The following TP73 variants were observed in gnomAD, a reference collection of about 807,000 sequenced individuals.
TP73 encodes tumor protein p73.
In TP73, 25 loss-of-function variants were observed where a neutral mutation model predicts 62.5. The observed-to-expected ratio is 0.40, with a 90% CI of 0.29 to 0.56. The LOEUF (loss-of-function observed/expected upper bound fraction) is 0.56. Among genes scored for constraint, TP73 ranks in the 20% least tolerant of loss-of-function variants. TP73 has a pLI of 0.46. For missense variants in TP73, 754 were observed against 913.3 expected (o/e 0.83, Z 2.25); for synonymous variants, 423 against 377.5 (o/e 1.12, Z -1.40).
In TP73 at chr1:3,729,444, A is replaced by C. The variant is rs765497694; in HGVS notation, c.1192A>C (p.Arg398=). The part of the protein sequence containing the change: ...SYRQQQQLLQ[R]PSHLQPPSYG... The stretch of plus-strand genomic sequence containing the variant: ...TCGGCAGCAGCAGCAGCTCCTACAG[A>C]GGCCGTGAGTCAGCCCTAGCCCACC... The change falls in exon 10 of 14, where the codon AGG becomes CGG. Residue 398 remains arginine, a synonymous_variant. Coordinates refer to ENST00000378295, the MANE Select transcript of TP73 (RefSeq NM_005427.4). 7 of 1,612,714 alleles carry C rather than the reference A, an allele frequency of 4.3e-6. No individual in the cohort carries two copies. Among genetic ancestry groups the C allele is most frequent in the Non-Finnish European group, 5.1e-6 (6 of 1,179,962 alleles).
chr1:3,695,819 G>A (rs534035184), intron 3 of TP73, among the ~76,000 whole-genome samples: 91 of 152,392 alleles, frequency 6.0e-4, no homozygotes, highest in Middle Eastern at 6.8e-3. Context: ...GCCAAGGCCA[G>A]GAGCCGCCTG....
chr1:3,685,862 C>G (rs1468831111), intron 3 of TP73, among the ~76,000 whole-genome samples: 1 of 152,224 alleles, frequency 6.6e-6, no homozygotes, highest in African/African-American at 2.4e-5. Context: ...TGAGTGCCCC[C>G]TGGAAAACTG....
chr1:3,715,484 G>T (rs1640516772), intron 4 of TP73, among the ~76,000 whole-genome samples: 1 of 152,192 alleles, frequency 6.6e-6, no homozygotes, highest in Admixed American at 6.5e-5. Flanking sequence ...CTATGGTCTG[G>T]GTGCTGGTCC....
rs1236402200 is a variant in TP73, at chr1:3,662,145, C to A, written c.-34+9504C>A. ...CTGGAGCAGCCCCTGAAGGTGGAGA[C>A]CAGGCACCTGCTGGAGCAGGAACTC... On this transcript the variant is annotated intron_variant, in intron 1 of 13. Coordinates refer to ENST00000378295, the MANE Select transcript of TP73 (RefSeq NM_005427.4). The surrounding 1 kb of genome is among the most constrained non-coding windows in gnomAD (Gnocchi z 4.4). 6.6e-6 allele frequency: 1 copy of A among 152,140 alleles called. No homozygotes were observed. The highest frequency in any genetic ancestry group is 2.4e-5 in the African/African-American group (1 of 41,408). The allele number at this position is 152,140 out of a possible 1,614,324, so 9.4% of individuals were successfully genotyped here.
chr1:3,664,895 C>T (rs1645077029), intron 1 of TP73, among the ~76,000 whole-genome samples: 1 of 152,176 alleles, frequency 6.6e-6, no homozygotes. Flanking sequence ...AGATAAGGTG[C>T]ACGATTCAGT....
In TP73 at chr1:3,722,065, A is replaced by G. The variant is rs1241476424; in HGVS notation, c.474A>G (p.Thr158=). ...AACTCTACTGCCAGATCGCCAAGAC[A>G]TGCCCCATCCAGATCAAGGTGTCCA... ...LKKLYCQIAK[T]CPIQIKVSTP... is the part of the protein sequence containing the mutation. The change falls in exon 5 of 14, where the codon ACA becomes ACG. Residue 158 remains threonine (T), a synonymous_variant. Transcript: ENST00000378295. 1.2e-6 allele frequency: 2 copies of G among 1,612,524 alleles called. No homozygotes were observed. The highest frequency in any genetic ancestry group is 2.2e-5 in the East Asian group (1 of 44,848).
intron 3 of TP73, 45 bp from the exon 4 acceptor site, chr1:3,707,500 CGACT>C (rs1557545059): frequency 1.9e-6 from 3 of 1,577,340 alleles, no homozygotes; most frequent in Non-Finnish European, 2.6e-6. Flanking sequence ...CGGGACAGGA[CGACT>C]GACTGTGTGT....
In TP73 at chr1:3,662,820, C is replaced by T. The variant is rs1048333189; in HGVS notation, c.-34+10179C>T. ...ATGGAATCAGCTCCCCACCAGGCCC[C>T]AGGACAGACCTGGCTGGGGAGCGCA... On this transcript the variant is annotated intron_variant, in intron 1 of 13. Coordinates refer to ENST00000378295, the MANE Select transcript of TP73 (RefSeq NM_005427.4). This position sits in a 1 kb window ranked among gnomAD's most constrained non-coding sequence, Gnocchi z 4.4. Among the ~76,000 whole-genome samples the T allele has an allele frequency of 6.6e-6, 1 of 152,190 alleles. No homozygotes were observed. Among genetic ancestry groups the T allele is most frequent in the African/African-American group, 2.4e-5 (1 of 41,458 alleles).
chr1:3,706,070 C>A (rs1332495781), intron 3 of TP73, among the ~76,000 whole-genome samples: 3 of 152,032 alleles, frequency 2.0e-5, no homozygotes, highest in Admixed American at 2.0e-4. Flanking sequence ...TCACAGCACA[C>A]CACAGCTTCT....
intron 4 of TP73, 170 bp downstream of exon 4, chr1:3,707,961 G>A (rs964129685): frequency 8.7e-7 from 1 of 1,149,256 alleles, no homozygotes; most frequent in African/African-American, 1.5e-5. Flanking sequence ...CTCAGGGCCG[G>A]GCAGTCTGGG....
intron 3 of TP73, among the ~76,000 whole-genome samples, chr1:3,686,564 T>G (rs1024297836): frequency 6.6e-6 from 1 of 152,076 alleles, no homozygotes; most frequent in Non-Finnish European, 1.5e-5. Flanking sequence ...GAGGCTGAGT[T>G]TAGGCAGTTC....
intron 5 of TP73, among the ~76,000 whole-genome samples, chr1:3,722,969 G>A (rs1463084237): frequency 2.7e-5 from 4 of 148,430 alleles, no homozygotes; most frequent in Admixed American, 2.7e-4. Flanking sequence ...CCTGGCACAG[G>A]GCTGGGCACC....
intron 1 of TP73, among the ~76,000 whole-genome samples, chr1:3,678,922 C>A (rs1324555344): frequency 1.3e-5 from 2 of 152,232 alleles, no homozygotes. Flanking sequence ...GTTTGGGGAC[C>A]CAACTCCTGG....
chr1:3,693,943 G>C (rs374360866), intron 3 of TP73, among the ~76,000 whole-genome samples: 3 of 7,528 alleles, frequency 4.0e-4, no homozygotes, highest in Non-Finnish European at 8.1e-4. Context: ...CGCAATCCCA[G>C]CCATGCAGCC....
chr1:3,729,789 C>A, intron 10 of TP73: 2 of 803,620 alleles, frequency 2.5e-6, no homozygotes, highest in Non-Finnish European at 3.9e-6. Flanking sequence ...CCCTGCCTCC[C>A]GGCCCCGCCA....
chr1:3,709,597 C>G (rs963315986), intron 4 of TP73, among the ~76,000 whole-genome samples: 3 of 152,200 alleles, frequency 2.0e-5, no homozygotes, highest in African/African-American at 7.2e-5. Flanking sequence ...TTCCACCCCA[C>G]TTGGAGGTCT....
In TP73 at chr1:3,707,671, C is replaced by T. The variant is rs771635685; in HGVS notation, c.309C>T (p.Ser103=). ...CCCACTCGCCCTACGCACAACCCAG[C>T]TCCACCTTCGACACCATGTCGCCGG... The part of the protein sequence containing the change: ...VPTHSPYAQP[S]STFDTMSPAP... The change falls in exon 4 of 14, where the codon AGC becomes AGT. Residue 103 remains serine (S), a synonymous_variant. Coordinates refer to ENST00000378295, the MANE Select transcript of TP73 (RefSeq NM_005427.4). The T allele has an allele frequency of 8.7e-6, 14 of 1,613,254 alleles. No homozygotes were observed. In the South Asian group the frequency reaches 1.5e-4, roughly 18 times the overall value.
At position 3,672,415 on chromosome 1, in the gene TP73, G is replaced by T. The variant is rs540060782; in HGVS notation, c.-33-9918G>T. On this transcript the variant is annotated intron_variant, in intron 1 of 13. Transcript: ENST00000378295. The surrounding 1 kb of genome is among the most constrained non-coding windows in gnomAD (Gnocchi z 5.3). The stretch of plus-strand genomic sequence containing the variant: ...GGGTGTGAGAGGAGGATCGGAGGGG[G>T]CAGAGGACAGGGATGTGTCTGTGCA... Among the ~76,000 whole-genome samples, 7 of 152,220 alleles carry T rather than the reference G, an allele frequency of 4.6e-5. No homozygotes were observed. The highest frequency in any genetic ancestry group is 1.9e-4 in the East Asian group (1 of 5,178).
chr1:3,728,992 AAGAG>A (rs3034587), intron 9 of TP73, among the ~76,000 whole-genome samples: 2 of 150,716 alleles, frequency 1.3e-5, no homozygotes, highest in African/African-American at 4.9e-5. Flanking sequence ...TGTCGAAAGA[AAGAG>A]AGAGAGAGAG....
Sources: gnomAD v4.1 joint callset for allele counts (sites outside exome capture counted in the v4.1 genomes callset) on GRCh38, gnomAD v4.1.1 for gene constraint, Gnocchi (gnomAD v3.1) non-coding constraint, MANE v1.5 for transcripts, NCBI Gene and HGNC (gene_info 2026-07-23, HGNC 2026-07-21) for gene names.